Variants in CDKN2B-AS1 observed in about 807,000 individuals in gnomAD.
CDKN2B-AS1 encodes CDKN2B and CDKN2A antisense cis and trans regulatory RNA 1, also known as CDKN2B antisense RNA 1 (non-protein coding).
intron 2 of CDKN2B-AS1, among the ~76,000 whole-genome samples, chr9:22,047,959 TG>T (rs1199965499): frequency 2.9e-4 from 32 of 109,938 alleles, no homozygotes; most frequent in Non-Finnish European, 4.6e-4. Flanking sequence ...GGCTAATTTT[TG>T]TATTTTTTTT....
intron 1 of CDKN2B-AS1, chr9:22,029,353 A>C (rs1822370626): frequency 6.6e-6 from 5 of 757,280 alleles, no homozygotes; most frequent in Non-Finnish European, 1.2e-5. Flanking sequence ...ATCTAATGGG[A>C]TTCCTGATGG....
chr9:22,117,224 T>G (rs1825973402), intron 4 of CDKN2B-AS1, among the ~76,000 whole-genome samples: 2 of 152,260 alleles, frequency 1.3e-5, no homozygotes, highest in South Asian at 4.1e-4. Flanking sequence ...CAGTTTATTA[T>G]ATGCTATGAA....
In CDKN2B-AS1 at chr9:22,093,132, TTTTG is replaced by T. The variant is rs1825154119; in HGVS notation, n.439-33970_439-33967del. 2.7e-5 allele frequency among the ~76,000 whole-genome samples: 4 copies of T among 150,836 alleles called. No homozygotes were observed. The South Asian group carries it at 8.5e-4, about 32-fold the overall frequency. On this transcript the variant is annotated intron_variant and non_coding_transcript_variant, in intron 4 of 4. Transcript: ENST00000650946. Reference sequence around the variant, plus strand: ...GTTCAGTTTCCATGTAGGTGAGCGGTTTTGAGTGAGTTTCTTAATCTTGAGTTCT... The same window carrying T: ...GTTCAGTTTCCATGTAGGTGAGCGGTAGTGAGTTTCTTAATCTTGAGTTCT...
intron 4 of CDKN2B-AS1, among the ~76,000 whole-genome samples, chr9:22,123,623 T>A (rs1826138958): frequency 6.6e-6 from 1 of 151,320 alleles, no homozygotes; most frequent in African/African-American, 2.4e-5. Flanking sequence ...GAAGTAATGA[T>A]GAATGAGAAG....
intron 1 of CDKN2B-AS1, chr9:22,029,342 T>C (rs1822370181): frequency 1.3e-6 from 1 of 747,386 alleles, no homozygotes; most frequent in Non-Finnish European, 2.5e-6. Context: ...GTCTGAAGTT[T>C]ATCTAATGGG....
At chr9:22,115,979 C>G (rs1825939400) in intron 4 of CDKN2B-AS1, among the ~76,000 whole-genome samples, 1 of 152,134 alleles carries the variant, frequency 6.6e-6, no homozygotes, top group East Asian at 1.9e-4. Context: ...TGATTATTTA[C>G]TATTTTCAGC....
At chr9:22,086,756 C>T (rs752422345) in intron 4 of CDKN2B-AS1, among the ~76,000 whole-genome samples, 8 of 152,066 alleles carry the variant, frequency 5.3e-5, no homozygotes, top group Admixed American at 3.9e-4. Context: ...TTTATCTATC[C>T]ATTTATTTAT....
At chr9:22,116,514 A>G (rs1825952747) in intron 4 of CDKN2B-AS1, among the ~76,000 whole-genome samples, 1 of 152,234 alleles carries the variant, frequency 6.6e-6, no homozygotes, top group Non-Finnish European at 1.5e-5. Flanking sequence ...AGGAAGGAAA[A>G]TATAGCCTGC....
chr9:22,033,145 AAC>A (rs1563935323), intron 1 of CDKN2B-AS1, among the ~76,000 whole-genome samples: 1 of 152,068 alleles, frequency 6.6e-6, no homozygotes, highest in Non-Finnish European at 1.5e-5. Context: ...TCTGACGTGG[AAC>A]AGTTTCAACC....
intron 4 of CDKN2B-AS1, among the ~76,000 whole-genome samples, chr9:22,123,313 T>G (rs1453511500): frequency 6.6e-6 from 1 of 152,202 alleles, no homozygotes; most frequent in African/African-American, 2.4e-5. Context: ...CAATTTGACT[T>G]CCTCCTTTCC....
chr9:22,009,096 C>A (rs1821355784), intron 1 of CDKN2B-AS1: 3 of 1,282,496 alleles, frequency 2.3e-6, no homozygotes, highest in Non-Finnish European at 2.2e-6. Context: ...ACCCTCCCGT[C>A]GTCCTTCTGC....
At chr9:22,023,170 T>C (rs566553216) in intron 1 of CDKN2B-AS1, among the ~76,000 whole-genome samples, 1 of 152,328 alleles carries the variant, frequency 6.6e-6, no homozygotes, top group East Asian at 1.9e-4. Flanking sequence ...TGTTGGCCTC[T>C]CTGGCTAGGA....
rs1820750500 is a variant in CDKN2B-AS1 at position 21,997,696 on chromosome 9, C to A, written n.29+2535C>A. 6.6e-6 allele frequency among the ~76,000 whole-genome samples: 1 copy of A among 151,982 alleles called. No homozygotes were observed. The highest frequency in any genetic ancestry group is 1.5e-5 in the Non-Finnish European group (1 of 67,998). On this transcript the variant is annotated intron_variant and non_coding_transcript_variant, in intron 1 of 4. Transcript: ENST00000650946. This position sits in a 1 kb window ranked among gnomAD's most constrained non-coding sequence, Gnocchi z 4.8. ...TCTTCAACTGCTTGGATGAGGACCA[C>A]CCATATTATTGAGGATAATCTGCTT...
chr9:22,008,798 C>T (rs2131189857), intron 1 of CDKN2B-AS1: 1 of 1,605,318 alleles, frequency 6.2e-7, no homozygotes. Context: ...CCCCAGCTAC[C>T]TGGATCGCGC....
intron 1 of CDKN2B-AS1, among the ~76,000 whole-genome samples, chr9:22,035,097 A>G (rs1474891295): frequency 6.6e-6 from 1 of 152,188 alleles, no homozygotes; most frequent in Admixed American, 6.5e-5. Context: ...TAGATGCCTA[A>G]TAAATGGTGA....
intron 4 of CDKN2B-AS1, among the ~76,000 whole-genome samples, chr9:22,067,289 A>C (rs1256948390): frequency 6.6e-6 from 1 of 152,226 alleles, no homozygotes; most frequent in East Asian, 1.9e-4. Context: ...ATAAAAGAGC[A>C]GATCAGAATG....
intron 1 of CDKN2B-AS1, among the ~76,000 whole-genome samples, chr9:22,021,948 C>T (rs568612818): frequency 3.3e-5 from 5 of 152,202 alleles, no homozygotes; most frequent in South Asian, 2.1e-4. Flanking sequence ...TTTCACTTTC[C>T]GTGTAATTGT....
chr9:22,101,470 G>C (rs1022197389), intron 4 of CDKN2B-AS1, among the ~76,000 whole-genome samples: 1 of 152,078 alleles, frequency 6.6e-6, no homozygotes, highest in Non-Finnish European at 1.5e-5. Context: ...TCAATTTTAA[G>C]TAATGTCTCA....
At chr9:22,007,362 A>AAAAT (rs1187656074) in intron 1 of CDKN2B-AS1, among the ~76,000 whole-genome samples, 1 of 152,132 alleles carries the variant, frequency 6.6e-6, no homozygotes, top group Non-Finnish European at 1.5e-5. Context: ...TCATCTCAAA[A>AAAAT]AAAATAAAAT....
Sources: gnomAD v4.1 joint callset for allele counts (sites outside exome capture counted in the v4.1 genomes callset) on GRCh38, gnomAD v4.1.1 for gene constraint, Gnocchi (gnomAD v3.1) non-coding constraint, MANE v1.5 for transcripts, NCBI Gene and HGNC (gene_info 2026-07-23, HGNC 2026-07-21) for gene names.